The following MID2 variants were observed in gnomAD, a reference collection of about 807,000 sequenced individuals.
The protein encoded by MID2 is midline 2.
A neutral mutation model predicts 46.1 loss-of-function variants in MID2; 13 were observed. The observed-to-expected ratio is 0.28, with a 90% CI of 0.18 to 0.45. The LOEUF (loss-of-function observed/expected upper bound fraction) is 0.45, where lower values mean the gene tolerates loss of function less well. Among genes scored for constraint, MID2 ranks in the 20% least tolerant of loss-of-function variants. The pLI is 1.00. For synonymous variants in MID2, 199 were observed against 212.3 expected, an observed-to-expected ratio of 0.94 and a Z score of 0.55; for missense variants, 431 against 575.4, an observed-to-expected ratio of 0.75 and a Z score of 2.57.
At chrX:107,865,545 C>CCT (rs201307887) in intron 3 of MID2, among the ~76,000 whole-genome samples, 2,054 of 111,984 alleles carry the variant, frequency 0.018, 51 homozygotes, top group African/African-American at 0.062. Flanking sequence ...ATTGCTTTGA[C>CCT]CTGTTTCCCT....
intron 1 of MID2, among the ~76,000 whole-genome samples, chrX:107,828,310 C>CTTTTTTTTTTTTTTT (rs766362742): frequency 3.6e-5 from 3 of 83,022 alleles, no homozygotes; most frequent in African/African-American, 5.4e-5. Context: ...TCTTTCTTTT[C>CTTTTTTTTTTTTTTT]TTTTTTTTTT....
rs754391185 is a variant in MID2 at position 107,926,283 on chromosome X, T to C, written c.1787T>C (p.Val596Ala). 5.0e-6 allele frequency: 6 copies of C among 1,208,067 alleles called. No individual in the cohort carries two copies. In the Admixed American group the frequency reaches 1.1e-4, roughly 22 times the overall value. Reference protein sequence around the residue: ...IDSGCHYWEVVMGSSTWYAIG... With the variant: ...IDSGCHYWEVAMGSSTWYAIG... The stretch of plus-strand genomic sequence containing the variant: ...AGTGGCTGCCACTATTGGGAGGTGG[T>C]CATGGGTTCCTCAACATGGTGAGTG... The change falls in exon 9 of 10, where the codon GTC becomes GCC. Residue 596 changes from valine (V) to alanine (A), a missense_variant. Physicochemically the swap from Val to Ala is moderately conservative, Grantham distance 64. Transcript: ENST00000262843.
At chrX:107,883,028 A>C (rs963774055) in intron 3 of MID2, among the ~76,000 whole-genome samples, 5 of 112,134 alleles carry the variant, frequency 4.5e-5, no homozygotes, top group African/African-American at 1.6e-4. Context: ...GCCATAAAAA[A>C]GTATGAGTTC....
chrX:107,899,741 A>AT (rs35580835), intron 3 of MID2, among the ~76,000 whole-genome samples: 4,771 of 110,700 alleles, frequency 0.043, 116 homozygotes, highest in Middle Eastern at 0.18. Context: ...AGGAGGATAG[A>AT]TTTTTTTTCC....
At chrX:107,906,201 T>C (rs144898177) in intron 5 of MID2, among the ~76,000 whole-genome samples, 1,537 of 111,780 alleles carry the variant, frequency 0.014, 36 homozygotes, top group African/African-American at 0.047. Flanking sequence ...AACCAGGGTC[T>C]AAAGTGAAAC....
intron 3 of MID2, among the ~76,000 whole-genome samples, chrX:107,860,134 T>C (rs1410833506): frequency 2.7e-5 from 3 of 111,072 alleles, no homozygotes; most frequent in Non-Finnish European, 5.7e-5. Context: ...CAGGGAGAGA[T>C]GAAGGCCCAG....
Position 107,840,834 on chromosome X carries a change from A to T in MID2, c.169A>T (p.Ile57Phe). 1 of 1,211,449 alleles carries T rather than the reference A, an allele frequency of 8.3e-7. No individual in the cohort carries two copies. The highest frequency in any genetic ancestry group is 1.8e-5 in the South Asian group (1 of 56,964). Residue 57 changes from isoleucine (I) to phenylalanine (F), a missense_variant, in exon 2 of 10, where the codon ATT becomes TTT. Transcript: ENST00000262843. ...CCTCTGCTTCAGCTGTGCCCATCGC[A>T]TTTTGGTATCAAGCTGCAGCTCTGG... Reference protein sequence around the residue: ...HSLCFSCAHRILVSSCSSGES... With the variant: ...HSLCFSCAHRFLVSSCSSGES...
intron 3 of MID2, among the ~76,000 whole-genome samples, chrX:107,880,506 C>T (rs1049034903): frequency 1.8e-5 from 2 of 110,979 alleles, no homozygotes; most frequent in Non-Finnish European, 3.8e-5. Flanking sequence ...CATGCTGAGT[C>T]GCTTCTGGGT....
rs933510829 is a variant in MID2 at position 107,929,274 on chromosome X, A to AT, written c.*2202dup. ...CACCTTTGTCTCTTCCCTAGGGCATATCCCCAAATTCTTAAACAAAAAAAA... is the reference window on the plus strand; with the variant it reads ...CACCTTTGTCTCTTCCCTAGGGCATATTCCCCAAATTCTTAAACAAAAAAAA... On this transcript the variant is annotated 3_prime_UTR_variant, in exon 10 of 10. Coordinates refer to ENST00000262843, the MANE Select transcript of MID2 (RefSeq NM_012216.4). 9.0e-6 allele frequency among the ~76,000 whole-genome samples: 1 copy of AT among 110,670 alleles called. No individual in the cohort carries two copies. Among genetic ancestry groups the AT allele is most frequent in the African/African-American group, 3.3e-5 (1 of 30,397 alleles).
chrX:107,918,277 G>C (rs1227638758), intron 7 of MID2, among the ~76,000 whole-genome samples: 1 of 111,271 alleles, frequency 9.0e-6, no homozygotes, highest in African/African-American at 3.3e-5. Context: ...ACAAAACAGA[G>C]TAGGAACTTC....
At chrX:107,903,219 G>C (rs765702252) in intron 3 of MID2, among the ~76,000 whole-genome samples, 11 of 110,911 alleles carry the variant, frequency 9.9e-5, no homozygotes, top group Admixed American at 4.8e-4. Flanking sequence ...AAAATCCCCT[G>C]CTCTCATTTT....
chrX:107,905,658 C>T, intron 5 of MID2, 32 bp downstream of exon 5: 1 of 1,135,150 alleles, frequency 8.8e-7, no homozygotes, highest in Non-Finnish European at 1.2e-6. Context: ...GAAATGCCTG[C>T]TCTTGTGAAA....
In MID2 at chrX:107,927,374, T is replaced by G. The variant is rs1262838190; in HGVS notation, c.*301T>G. 9.0e-6 allele frequency among the ~76,000 whole-genome samples: 1 copy of G among 111,675 alleles called. No homozygotes were observed. The highest frequency in any genetic ancestry group is 1.9e-5 in the Non-Finnish European group (1 of 53,106). On this transcript the variant is annotated 3_prime_UTR_variant, in exon 10 of 10. Transcript: ENST00000262843. ...AATGATTTAAGAATATAAATTATAT[T>G]GGAAGCAATTAGGGTAATTCTAGTT...
intron 7 of MID2, among the ~76,000 whole-genome samples, chrX:107,920,431 T>A (rs1353171599): frequency 8.9e-6 from 1 of 112,538 alleles, no homozygotes; most frequent in Non-Finnish European, 1.9e-5. Context: ...ATTACTTTAT[T>A]ATCTTTCCTC....
rs1930934659 is a variant in MID2, at chrX:107,826,105, T to C, written c.-322T>C. On this transcript the variant is annotated 5_prime_UTR_variant, in exon 1 of 10. Coordinates refer to ENST00000262843, the MANE Select transcript of MID2 (RefSeq NM_012216.4). ...GGCGGCGGAAATGACAGTGTGGTGCTGCCGTGGTGTCATGGTGCTGCCCCT... is the reference window on the plus strand; with the variant it reads ...GGCGGCGGAAATGACAGTGTGGTGCCGCCGTGGTGTCATGGTGCTGCCCCT... 1 of 294,758 alleles carries C rather than the reference T, an allele frequency of 3.4e-6. No individual in the cohort carries two copies. Among genetic ancestry groups the C allele is most frequent in the African/African-American group, 2.7e-5 (1 of 36,366 alleles). The allele number at this position is 294,758 out of a possible 1,213,427, so 24.3% of individuals were successfully genotyped here.
At chrX:107,890,716 A>G (rs375215590) in intron 3 of MID2, among the ~76,000 whole-genome samples, 60 of 111,776 alleles carry the variant, frequency 5.4e-4, no homozygotes, top group African/African-American at 1.5e-3. Context: ...GCCCCCAGAG[A>G]TGGAGTCTAC....
intron 5 of MID2, among the ~76,000 whole-genome samples, chrX:107,908,960 T>C (rs928733710): frequency 7.1e-5 from 8 of 112,075 alleles, no homozygotes; most frequent in Non-Finnish European, 1.5e-4. Flanking sequence ...CTAATTCTAA[T>C]ACCTGTGTCA....
intron 3 of MID2, among the ~76,000 whole-genome samples, chrX:107,901,524 A>G (rs1034928199): frequency 9.0e-6 from 1 of 111,651 alleles, no homozygotes. Context: ...CTTTTTTCAC[A>G]TTTAATTCAA....
rs17280029 is a variant in MID2, at chrX:107,838,520, A to G, written c.5-2150A>G. Reference sequence around the variant, plus strand: ...ACTGGCTGTACAAACATCTGAATCTACTAAACCAACTGAGTGACTGATTTA... The same window carrying G: ...ACTGGCTGTACAAACATCTGAATCTGCTAAACCAACTGAGTGACTGATTTA... On this transcript the variant is annotated intron_variant, in intron 1 of 9. Transcript: ENST00000262843. Among the ~76,000 whole-genome samples the G allele has an allele frequency of 4.1e-3, 464 of 112,550 alleles. 2 individuals are homozygous for G. Among genetic ancestry groups the G allele is most frequent in the Admixed American group, 0.015 (159 of 10,649 alleles).
Sources: gnomAD v4.1 joint callset for allele counts (sites outside exome capture counted in the v4.1 genomes callset) on GRCh38, gnomAD v4.1.1 for gene constraint, MANE v1.5 for transcripts, NCBI Gene and HGNC (gene_info 2026-07-23, HGNC 2026-07-21) for gene names.